CYP4X1: variants seen among roughly 807,000 people sequenced by gnomAD.
CYP4X1 encodes cytochrome P450 4X1.
In CYP4X1, 44 loss-of-function variants were observed where a neutral mutation model predicts 57.9. That is an observed-to-expected ratio of 0.76 (90% CI 0.60 to 0.98). The LOEUF is 0.98. Among genes scored for constraint, CYP4X1 ranks in the 50% least tolerant of loss-of-function variants. The probability of loss-of-function intolerance (pLI) is 0.00; values close to 1 mark genes in which losing one functional copy is unlikely to be tolerated. For missense variants in CYP4X1, 532 were observed against 623.9 expected (o/e 0.85, Z 1.57); for synonymous variants, 227 against 228.6 (o/e 0.99, Z 0.06).
At chr1:46,961,721 G>C in the CYP4X1 span, 1 of 1,306,208 alleles carries the variant, frequency 7.7e-7, no homozygotes, top group African/African-American at 1.5e-5. Flanking sequence ...AGAACCTCAA[G>C]CCCTAATATG....
At chr1:47,019,773 C>A (rs537381508), upstream of CYP4X1, among the ~76,000 whole-genome samples, 1 of 152,282 alleles carries the variant, frequency 6.6e-6, no homozygotes, top group South Asian at 2.1e-4. Context: ...TGTCCTTGGA[C>A]AAATTGCATA....
chr1:46,980,440 AAGG>A, the CYP4X1 span, among the ~76,000 whole-genome samples: 2 of 152,240 alleles, frequency 1.3e-5, no homozygotes, highest in Admixed American at 6.5e-5. Flanking sequence ...GGACCTCTTC[AAGG>A]AGAACTACAA....
chr1:47,018,553 T>C, the CYP4X1 span, among the ~76,000 whole-genome samples: 1 of 152,156 alleles, frequency 6.6e-6, no homozygotes, highest in Non-Finnish European at 1.5e-5. Flanking sequence ...GGAGTCACCA[T>C]TATGGGGCAC....
the CYP4X1 span, among the ~76,000 whole-genome samples, chr1:46,975,470 T>A: frequency 1.3e-5 from 2 of 151,630 alleles, no homozygotes; most frequent in African/African-American, 2.4e-5. Context: ...TTTCTTTTCT[T>A]TAAGGGTGCT....
At chr1:47,039,306 G>T (rs1314888890) in intron 7 of CYP4X1, 36 bp from the exon 8 acceptor site, 2 of 1,495,242 alleles carry the variant, frequency 1.3e-6, no homozygotes, top group Non-Finnish European at 1.8e-6. Context: ...TTATAAACTG[G>T]CATTTTATTT....
At position 47,026,409 on chromosome 1, in the gene CYP4X1, T is replaced by C. The variant is rs966890442; in HGVS notation, c.177+2415T>C. 4.1e-4 allele frequency among the ~76,000 whole-genome samples: 63 copies of C among 152,198 alleles called. 2 individuals are homozygous for C. The highest frequency in any genetic ancestry group is 2.9e-5 in the Non-Finnish European group (2 of 68,028). ...ATTATAAATAAATAAATTATATAGC[T>C]ATCCTTATGCTAGTACCACACTGCC... On this transcript the variant is annotated intron_variant, in intron 1 of 11. Transcript: ENST00000371901.
At chr1:47,023,461 T>C (rs989046355), upstream of CYP4X1, 1 of 932,588 alleles carries the variant, frequency 1.1e-6, no homozygotes, top group East Asian at 9.3e-5. Flanking sequence ...TTATAATTTG[T>C]GATAAGGAAG....
At chr1:47,051,392 AG>A (rs1569668050), downstream of CYP4X1, among the ~76,000 whole-genome samples, 1 of 151,434 alleles carries the variant, frequency 6.6e-6, no homozygotes, top group East Asian at 1.9e-4. Context: ...AAAAAAAAAA[AG>A]GACACCAAAC....
the CYP4X1 span, among the ~76,000 whole-genome samples, chr1:46,989,085 A>G: frequency 1.3e-5 from 2 of 152,218 alleles, no homozygotes; most frequent in African/African-American, 4.8e-5. Flanking sequence ...AAGGTATTCA[A>G]GCAGGAAGAG....
At chr1:47,049,608 G>C in intron 11 of CYP4X1, 104 bp downstream of exon 11, 1 of 1,024,832 alleles carries the variant, frequency 9.8e-7, no homozygotes, top group Non-Finnish European at 1.5e-6. Context: ...GGGAACCGTA[G>C]ATCTTGGTGC....
chr1:47,048,451 G>T (rs1046883516), intron 9 of CYP4X1, 114 bp from the exon 10 acceptor site: 5 of 1,114,382 alleles, frequency 4.5e-6, no homozygotes, highest in South Asian at 1.2e-5. Context: ...ACAGCAGGCA[G>T]AGCATTGCCA....
chr1:46,967,324 A>C, the CYP4X1 span, among the ~76,000 whole-genome samples: 1 of 152,188 alleles, frequency 6.6e-6, no homozygotes, highest in Admixed American at 6.5e-5. Context: ...TGCTGTTTTA[A>C]GGCACTGACG....
At position 47,036,069 on chromosome 1, in the gene CYP4X1, C is replaced by T; in HGVS notation, c.673C>T (p.His225Tyr). ...ATTTGAACTCAGCAAAATCATATTT[C>T]ACCGCTTGTACAGTTTGTTGTATCA... ...AIFELSKIIF[H>Y]RLYSLLYHSD... Residue 225 changes from histidine to tyrosine, a missense_variant, in exon 6 of 12, where the codon CAC (histidine) becomes TAC (tyrosine). By Grantham distance (83) the His-to-Tyr change is moderately conservative. Coordinates refer to ENST00000371901, the MANE Select transcript of CYP4X1 (RefSeq NM_178033.2). The T allele has an allele frequency of 6.2e-7, 1 of 1,613,730 alleles. No individual in the cohort carries two copies. The highest frequency in any genetic ancestry group is 8.5e-7 in the Non-Finnish European group (1 of 1,179,740).
At chr1:47,002,494 A>T in the CYP4X1 span, among the ~76,000 whole-genome samples, 3 of 152,350 alleles carry the variant, frequency 2.0e-5, no homozygotes, top group South Asian at 6.2e-4. Flanking sequence ...CTGTAAGAAC[A>T]ATTTGCTTGA....
intron 6 of CYP4X1, among the ~76,000 whole-genome samples, 192 bp downstream of exon 6, chr1:47,036,363 A>T (rs1440711672): frequency 1.2e-5 from 1 of 85,858 alleles, no homozygotes; most frequent in African/African-American, 4.5e-5. Context: ...CAGTATTATC[A>T]GAATTTTTAT....
the CYP4X1 span, among the ~76,000 whole-genome samples, chr1:47,016,081 G>A: frequency 1.3e-5 from 2 of 151,862 alleles, no homozygotes; most frequent in Non-Finnish European, 2.9e-5. Context: ...CACTTGCTTT[G>A]TAGGTCATTG....
Position 47,050,204 on chromosome 1 carries a change from T to G in CYP4X1, c.*30T>G. 2 of 1,611,202 alleles carry G rather than the reference T, an allele frequency of 1.2e-6. No individual in the cohort carries two copies. Among genetic ancestry groups the G allele is most frequent in the South Asian group, 2.2e-5 (2 of 90,746 alleles). On this transcript the variant is annotated 3_prime_UTR_variant, in exon 12 of 12. Coordinates refer to ENST00000371901, the MANE Select transcript of CYP4X1 (RefSeq NM_178033.2). The stretch of plus-strand genomic sequence containing the variant: ...CAGGGTACAATGATTAAACGTACTT[T>G]GTTTTTCGAAGTTAAATTTACAGCT...
chr1:47,048,850 T>C (rs1349212982), intron 10 of CYP4X1, among the ~76,000 whole-genome samples: 1 of 152,268 alleles, frequency 6.6e-6, no homozygotes, highest in South Asian at 2.1e-4. Flanking sequence ...AGGTTTAAGA[T>C]CTATTACTTG....
the CYP4X1 span, among the ~76,000 whole-genome samples, chr1:46,975,495 A>G: frequency 6.6e-6 from 1 of 152,090 alleles, no homozygotes; most frequent in Admixed American, 6.5e-5. Flanking sequence ...ATACACCCCA[A>G]TCTCCTCTGG....
Sources: allele counts gnomAD v4.1 joint callset (sites outside exome capture counted in the v4.1 genomes callset), GRCh38; gene constraint gnomAD v4.1.1; transcripts MANE v1.5; gene names NCBI Gene and HGNC (gene_info 2026-07-23, HGNC 2026-07-21).